COL6A2: variants seen among roughly 807,000 people sequenced by gnomAD.
The protein encoded by COL6A2 is collagen alpha-2(VI) chain.
Under a neutral mutation model 124.9 loss-of-function variants are expected in COL6A2, and 90 were observed. That is an observed-to-expected ratio of 0.72 (90% CI 0.61 to 0.86). The LOEUF (loss-of-function observed/expected upper bound fraction) is 0.86. Ranked by LOEUF, COL6A2 falls within the 40% of genes least tolerant of loss-of-function variation. The pLI, the probability that COL6A2 is intolerant of heterozygous loss-of-function variation, is 0.00. For synonymous variants in COL6A2, 793 were observed against 618.2 expected, an observed-to-expected ratio of 1.28 and a Z score of -4.19; for missense variants, 1,607 against 1,502.5, an observed-to-expected ratio of 1.07 and a Z score of -1.15.
At chr21:46,130,346 G>A (rs768497906) in intron 27 of COL6A2, among the ~76,000 whole-genome samples, 30 of 152,288 alleles carry the variant, frequency 2.0e-4, no homozygotes, top group Middle Eastern at 3.4e-3. Flanking sequence ...GTTGGGGAGC[G>A]GCAGGGATCA....
rs138600219 is a variant in COL6A2, at chr21:46,101,638, G to A, written c.-28+3465G>A. ...GTGGATATCTAGTTGTCTCTGCACC[G>A]TTTGTTGAAAAGACTGTCTTTATCG... is the stretch of plus-strand genomic sequence containing the variant. On this transcript the variant is annotated intron_variant, in intron 1 of 27. Transcript: ENST00000300527. 3.4e-4 allele frequency among the ~76,000 whole-genome samples: 51 copies of A among 152,182 alleles called. No homozygotes were observed. The East Asian group carries it at 7.3e-3, about 22-fold the overall frequency.
chr21:46,119,865 G>A lies in COL6A2; in HGVS notation c.1332+15G>A, dbSNP rs1380877359. The A allele has an allele frequency of 1.9e-6, 3 of 1,554,904 alleles. No individual in the cohort carries two copies. The highest frequency in any genetic ancestry group is 2.6e-6 in the Non-Finnish European group (3 of 1,148,690). On this transcript the variant is annotated intron_variant, in intron 15 of 27. Transcript: ENST00000300527. ...AGGGGGAGAAGGTGAGTCCTCGTGT[G>A]GAGGCAGCCCAGGGTCTCACTGTGG...
At chr21:46,129,781 C>T in intron 27 of COL6A2, 1 of 1,287,658 alleles carries the variant, frequency 7.8e-7, no homozygotes, top group East Asian at 3.3e-5. Flanking sequence ...CCAGAATGAC[C>T]TCGCAAGACC....
At position 46,122,564 on chromosome 21, in the gene COL6A2, C is replaced by T. The variant is rs764240103; in HGVS notation, c.1608+33C>T. 19 of 1,611,644 alleles carry T rather than the reference C, an allele frequency of 1.2e-5. No homozygotes were observed. In the Admixed American group the frequency reaches 2.5e-4, roughly 21 times the overall value. Reference sequence around the variant, plus strand: ...TGGGTCCTGGCCACCTGTGCCCACCCAGGGTGGGGGTCTGCACGCCCAATT... The same window carrying T: ...TGGGTCCTGGCCACCTGTGCCCACCTAGGGTGGGGGTCTGCACGCCCAATT... On this transcript the variant is annotated intron_variant, in intron 20 of 27. Transcript: ENST00000300527.
At chr21:46,130,657 C>T (rs978205330) in intron 27 of COL6A2, among the ~76,000 whole-genome samples, 23 of 152,192 alleles carry the variant, frequency 1.5e-4, no homozygotes, top group South Asian at 2.1e-4. Context: ...GATGAATGGA[C>T]AGAGACCCCC....
intron 5 of COL6A2, 76 bp downstream of exon 5, chr21:46,114,149 G>C: frequency 7.8e-7 from 1 of 1,283,290 alleles, no homozygotes; most frequent in Non-Finnish European, 1.1e-6. Flanking sequence ...ACACTTGGCC[G>C]GGCGTGGTGG....
At chr21:46,111,933 G>C in intron 2 of COL6A2, 46 bp from the exon 3 acceptor site, 1 of 1,579,186 alleles carries the variant, frequency 6.3e-7, no homozygotes, top group South Asian at 1.1e-5. Context: ...GGCTCCAACA[G>C]CAGTCCCTCC....
chr21:46,125,196 G>A (rs921909532), intron 23 of COL6A2, 70 bp from the exon 24 acceptor site: 2 of 1,457,270 alleles, frequency 1.4e-6, no homozygotes, highest in African/African-American at 1.4e-5. Context: ...GGACCCCCAG[G>A]CCAGGACCTT....
chr21:46,121,247 C>T (rs2078561565), intron 17 of COL6A2, 124 bp downstream of exon 17: 1 of 976,610 alleles, frequency 1.0e-6, no homozygotes, highest in Non-Finnish European at 1.6e-6. Flanking sequence ...AGCCTGGCCT[C>T]AGAAGCCAGG....
chr21:46,100,907 G>A (rs2078282020), intron 1 of COL6A2, among the ~76,000 whole-genome samples: 1 of 152,336 alleles, frequency 6.6e-6, no homozygotes, highest in East Asian at 1.9e-4. Context: ...CTTCTTTTGA[G>A]TATGTTCCCA....
intron 23 of COL6A2, 119 bp downstream of exon 23, chr21:46,125,039 C>T: frequency 1.5e-6 from 2 of 1,325,654 alleles, no homozygotes. Flanking sequence ...TGGAGGAGGT[C>T]AGAGGGCAAG....
chr21:46,117,446 G>A lies in COL6A2; in HGVS notation c.1046G>A (p.Gly349Glu). Residue 349 changes from glycine (G) to glutamate (E), a missense_variant, in exon 11 of 28, where the codon GGA becomes GAA. By Grantham distance (98) the Gly-to-Glu change is moderately conservative. Coordinates refer to ENST00000300527, the MANE Select transcript of COL6A2 (RefSeq NM_001849.4). ...CCTCCTGGCTGCAAGGGAGACCCTGGAAACCGGGTAAGGGCCGTTTGCACC... is the reference window on the plus strand; with the variant it reads ...CCTCCTGGCTGCAAGGGAGACCCTGAAAACCGGGTAAGGGCCGTTTGCACC... Reference protein sequence around the residue: ...IGPPGCKGDPGNRGPDGYPGE... With the variant: ...IGPPGCKGDPENRGPDGYPGE... The A allele has an allele frequency of 6.2e-7, 1 of 1,612,738 alleles. No individual in the cohort carries two copies. The highest frequency in any genetic ancestry group is 8.5e-7 in the Non-Finnish European group (1 of 1,179,896).
rs372955675 is a variant in COL6A2 at position 46,112,010 on chromosome 21, C to T, written c.147C>T (p.Phe49=). 24 of 1,612,712 alleles carry T rather than the reference C, an allele frequency of 1.5e-5. No individual in the cohort carries two copies. The highest frequency in any genetic ancestry group is 1.9e-5 in the Non-Finnish European group (23 of 1,180,016). Residue 49 remains phenylalanine (F), a synonymous_variant, in exon 3 of 28, where the codon TTC becomes TTT. Coordinates refer to ENST00000300527, the MANE Select transcript of COL6A2 (RefSeq NM_001849.4). ...CCGACTGCCCCATCCACGTGTACTT[C>T]GTGCTGGACACCTCGGAGAGCGTCA... is the stretch of plus-strand genomic sequence containing the variant. ...EKTDCPIHVY[F]VLDTSESVTM...
At chr21:46,099,657 G>T (rs1054244419) in intron 1 of COL6A2, among the ~76,000 whole-genome samples, 1 of 152,150 alleles carries the variant, frequency 6.6e-6, no homozygotes, top group Non-Finnish European at 1.5e-5. Flanking sequence ...AGCCCGCGGG[G>T]CACTGGCTGG....
intron 12 of COL6A2, among the ~76,000 whole-genome samples, 190 bp from the exon 13 acceptor site, chr21:46,118,422 GAC>G (rs746382424): frequency 3.9e-5 from 6 of 152,318 alleles, no homozygotes; most frequent in Non-Finnish European, 7.4e-5. Context: ...TCCTGCCCGT[GAC>G]ACACACTCTG....
intron 1 of COL6A2, among the ~76,000 whole-genome samples, chr21:46,103,988 T>C (rs1419851023): frequency 6.6e-6 from 1 of 152,316 alleles, no homozygotes; most frequent in Non-Finnish European, 1.5e-5. Context: ...TCATTGCACA[T>C]GCTCAGGGGA....
At chr21:46,126,412 C>A (rs2078668819) in intron 26 of COL6A2, 91 bp from the exon 27 acceptor site, 20 of 1,576,148 alleles carry the variant, frequency 1.3e-5, no homozygotes, top group Non-Finnish European at 1.6e-5. Context: ...CCAGCTGCAC[C>A]CTGAGCCTGT....
At chr21:46,107,281 A>G (rs2078344688) in intron 1 of COL6A2, among the ~76,000 whole-genome samples, 1 of 152,064 alleles carries the variant, frequency 6.6e-6, no homozygotes, top group South Asian at 2.1e-4. Flanking sequence ...CTATATTCTT[A>G]TCTAAGGGGT....
chr21:46,116,916 T>G lies in COL6A2; in HGVS notation c.999+102T>G. The stretch of plus-strand genomic sequence containing the variant: ...CCTGATCTGTCAGCTTACACATGTG[T>G]ACACACGCATACACACACACACACA... On this transcript the variant is annotated intron_variant, in intron 10 of 27. Coordinates refer to ENST00000300527, the MANE Select transcript of COL6A2 (RefSeq NM_001849.4). The surrounding 1 kb of genome is among the most constrained non-coding windows in gnomAD (Gnocchi z 4.6). The G allele has an allele frequency of 1.2e-6, 1 of 804,012 alleles. No homozygotes were observed. The highest frequency in any genetic ancestry group is 2.0e-6 in the Non-Finnish European group (1 of 509,386). 49.8% of individuals were successfully genotyped at this position (804,012 alleles called of 1,614,324 possible). A position where few individuals can be genotyped will look rare whatever the true frequency, so the allele number is the denominator to read the frequency against.
Sources: allele counts gnomAD v4.1 joint callset (sites outside exome capture counted in the v4.1 genomes callset), GRCh38; gene constraint gnomAD v4.1.1; non-coding constraint Gnocchi (gnomAD v3.1); transcripts MANE v1.5; gene names NCBI Gene and HGNC (gene_info 2026-07-23, HGNC 2026-07-21).